COG7: variants seen among roughly 807,000 people sequenced by gnomAD.
The protein encoded by COG7 is component of oligomeric golgi complex 7.
Under a neutral mutation model 91.5 loss-of-function variants are expected in COG7, and 49 were observed. The observed-to-expected ratio is 0.54, with a 90% CI of 0.43 to 0.68. The LOEUF is 0.68. COG7 is among the 30% of genes least tolerant of loss of function. The probability of loss-of-function intolerance (pLI) is 0.00; values close to 1 mark genes in which losing one functional copy is unlikely to be tolerated. For synonymous variants in COG7, 365 were observed against 388.7 expected (o/e 0.94, Z 0.72); for missense variants, 895 against 961.3 (o/e 0.93, Z 0.91).
At chr16:23,427,256 A>C (rs186670474) in intron 6 of COG7, among the ~76,000 whole-genome samples, 2 of 151,992 alleles carry the variant, frequency 1.3e-5, no homozygotes, top group Admixed American at 1.3e-4. Flanking sequence ...GTTGCAAAAA[A>C]GCAAACAAAC....
intron 4 of COG7, among the ~76,000 whole-genome samples, chr16:23,437,566 C>G (rs1454330284): frequency 1.3e-5 from 2 of 152,190 alleles, no homozygotes; most frequent in Non-Finnish European, 2.9e-5. Context: ...AGTACTGAGG[C>G]CATTCTCTCT....
chr16:23,415,342 G>A (rs533658523), intron 9 of COG7: 1 of 152,320 alleles, frequency 6.6e-6, no homozygotes, highest in South Asian at 2.1e-4. Context: ...GCAGGAGAAG[G>A]AGTTTTGTTT....
At position 23,389,038 on chromosome 16, in the gene COG7, G is replaced by A. The variant is rs763328829; in HGVS notation, c.2195C>T (p.Thr732Ile). Residue 732 changes from threonine (T) to isoleucine (I), a missense_variant, in exon 17 of 17, where the codon ACC becomes ATC. Transcript: ENST00000307149. ...CAGTAGCGTCACGATGTGCTGGAGG[G>A]TGCGGGACGGCTGCAGGCCCAGGGC... is the stretch of plus-strand genomic sequence containing the variant. ...MDALGLQPSR[T>I]LQHIVTLLKT... The A allele has an allele frequency of 1.2e-6, 2 of 1,614,058 alleles. No individual in the cohort carries two copies. Among genetic ancestry groups the A allele is most frequent in the South Asian group, 2.2e-5 (2 of 91,072 alleles).
rs1964291589 is a variant in COG7 at position 23,452,982 on chromosome 16, T to TG, written c.12dup (p.Lys5GlnfsTer68). On this transcript the variant is annotated frameshift_variant, in exon 1 of 17. Transcript: ENST00000307149. LOFTEE classifies it high-confidence loss of function. ...ACGTCGAAGTCGTCTGCCAGGAACT[T>TG]GGAGAAGTCCATGGCGGAACTGCCT... 1 of 1,613,932 alleles carries TG rather than the reference T, an allele frequency of 6.2e-7. No individual in the cohort carries two copies. The highest frequency in any genetic ancestry group is 8.5e-7 in the Non-Finnish European group (1 of 1,179,940).
chr16:23,430,724 A>G (rs574052120), intron 6 of COG7, among the ~76,000 whole-genome samples: 1 of 152,048 alleles, frequency 6.6e-6, no homozygotes, highest in Non-Finnish European at 1.5e-5. Context: ...TATTTTTAGT[A>G]GAGATGGGGT....
intron 8 of COG7, 91 bp downstream of exon 8, chr16:23,418,609 C>A: frequency 8.0e-7 from 1 of 1,243,266 alleles, no homozygotes. Flanking sequence ...TTCAGCACCC[C>A]GGATCCCAAC....
At chr16:23,447,118 A>G (rs778979659) in intron 1 of COG7, 12 of 152,102 alleles carry the variant, frequency 7.9e-5, no homozygotes, top group Non-Finnish European at 1.5e-4. Context: ...AGCCACTATC[A>G]TCTCTTTTCT....
intron 3 of COG7, among the ~76,000 whole-genome samples, chr16:23,443,225 GC>G (rs747157511): frequency 1.1e-3 from 160 of 152,254 alleles, no homozygotes; most frequent in Non-Finnish European, 2.0e-3. Context: ...AGGCAATTTA[GC>G]AATATGTGCT....
intron 16 of COG7, among the ~76,000 whole-genome samples, chr16:23,391,189 A>T (rs556951973): frequency 6.6e-6 from 1 of 152,322 alleles, no homozygotes; most frequent in East Asian, 1.9e-4. Context: ...TGGCACACAG[A>T]TGCTCGAGCA....
intron 5 of COG7, 30 bp downstream of exon 5, chr16:23,434,606 G>C (rs1168362296): frequency 6.5e-7 from 1 of 1,527,964 alleles, no homozygotes; most frequent in African/African-American, 1.4e-5. Flanking sequence ...TTCCACAACT[G>C]CACAACTGTC....
At chr16:23,414,055 C>T (rs544308406) in intron 9 of COG7, 1 of 167,778 alleles carries the variant, frequency 6.0e-6, no homozygotes, top group African/African-American at 2.4e-5. Flanking sequence ...ATTAAAGTTT[C>T]ACGGCTGGCA....
At chr16:23,399,194 T>A (rs2142062719) in intron 13 of COG7, among the ~76,000 whole-genome samples, 1 of 152,240 alleles carries the variant, frequency 6.6e-6, no homozygotes, top group South Asian at 2.1e-4. Flanking sequence ...TCGGCAGCCC[T>A]CCCCGTGCTC....
At chr16:23,389,691 G>T (rs1963158209) in intron 16 of COG7, among the ~76,000 whole-genome samples, 1 of 152,144 alleles carries the variant, frequency 6.6e-6, no homozygotes, top group Non-Finnish European at 1.5e-5. Context: ...GTCTGGGGTG[G>T]GACCCTGGTA....
At chr16:23,398,230 C>A in intron 13 of COG7, 101 bp from the exon 14 acceptor site, 1 of 941,064 alleles carries the variant, frequency 1.1e-6, no homozygotes, top group Non-Finnish European at 1.7e-6. Flanking sequence ...TCCCTGGAGG[C>A]ACTGTCTTTG....
At position 23,398,045 on chromosome 16, in the gene COG7, C is replaced by T. The variant is rs766665817; in HGVS notation, c.1887+1G>A. 8 of 1,613,536 alleles carry T rather than the reference C, an allele frequency of 5.0e-6. No homozygotes were observed. Among genetic ancestry groups the T allele is most frequent in the East Asian group, 2.2e-5 (1 of 44,874 alleles). Reference sequence around the variant, plus strand: ...CTGGAGAAGCACACAGAAGCTCTTACGTTGCTGATGTACTCGAGAGGGGTG... The same window carrying T: ...CTGGAGAAGCACACAGAAGCTCTTATGTTGCTGATGTACTCGAGAGGGGTG... On this transcript the variant is annotated splice_donor_variant, in intron 14 of 16. Transcript: ENST00000307149. LOFTEE classifies it high-confidence loss of function.
intron 1 of COG7, 103 bp downstream of exon 1, chr16:23,452,723 T>A: frequency 6.6e-7 from 1 of 1,506,080 alleles, no homozygotes; most frequent in Non-Finnish European, 8.9e-7. Context: ...GTATTTGCTG[T>A]CCATGCGTGC....
intron 7 of COG7, among the ~76,000 whole-genome samples, chr16:23,423,345 C>T (rs1451379735): frequency 2.0e-5 from 3 of 152,168 alleles, no homozygotes; most frequent in African/African-American, 4.8e-5. Context: ...CCAGCCTGGG[C>T]GAGAGTGAGA....
intron 7 of COG7, among the ~76,000 whole-genome samples, chr16:23,421,730 G>T (rs1963758871): frequency 6.7e-6 from 1 of 150,102 alleles, no homozygotes; most frequent in Admixed American, 6.8e-5. Context: ...CAGGTCTAAA[G>T]AACAAAATGT....
At chr16:23,444,842 T>C (rs1369359120) in intron 3 of COG7, among the ~76,000 whole-genome samples, 1 of 152,056 alleles carries the variant, frequency 6.6e-6, no homozygotes, top group East Asian at 1.9e-4. Flanking sequence ...TTGAACTCAT[T>C]CTGTGACTAA....
Sources: allele counts gnomAD v4.1 joint callset (sites outside exome capture counted in the v4.1 genomes callset), GRCh38; gene constraint gnomAD v4.1.1; transcripts MANE v1.5; gene names NCBI Gene and HGNC (gene_info 2026-07-23, HGNC 2026-07-21).